Variants in TAP1 observed in about 807,000 individuals in gnomAD.
TAP1 encodes the protein antigen peptide transporter 1.
Under a neutral mutation model 79.3 loss-of-function variants are expected in TAP1, and 56 were observed. The ratio of observed to expected loss-of-function variants is 0.71; its 90% CI spans 0.57 to 0.88. The LOEUF (loss-of-function observed/expected upper bound fraction) is 0.88. TAP1 is among the 40% of genes least tolerant of loss of function. TAP1 has a pLI of 0.00. For synonymous variants in TAP1, 355 were observed against 401.4 expected (o/e 0.88, Z 1.38); for missense variants, 737 against 936.3 (o/e 0.79, Z 2.78).
Position 32,852,062 on chromosome 6 carries a change from G to C in TAP1, c.844+47C>G. The C allele has an allele frequency of 6.2e-7, 1 of 1,612,290 alleles. No individual in the cohort carries two copies. Among genetic ancestry groups the C allele is most frequent in the South Asian group, 1.1e-5 (1 of 91,054 alleles). On this transcript the variant is annotated intron_variant, in intron 3 of 10. Coordinates refer to ENST00000354258, the MANE Select transcript of TAP1 (RefSeq NM_000593.6). This position sits in a 1 kb window ranked among gnomAD's most constrained non-coding sequence, Gnocchi z 4.8. ...GGGGGAGATCAAAGCAGATGTATGA[G>C]GATATGAACAGTACATGGCGTATAA... is the stretch of plus-strand genomic sequence containing the variant.
chr6:32,848,227 T>C, intron 7 of TAP1, 135 bp from the exon 8 acceptor site: 1 of 1,191,486 alleles, frequency 8.4e-7, no homozygotes, highest in African/African-American at 1.5e-5. Flanking sequence ...CCCTCCCACA[T>C]GCACAGATTT....
chr6:32,853,078 G>A lies in TAP1; in HGVS notation c.559C>T (p.Leu187Phe), dbSNP rs1425261335. 4 of 1,612,696 alleles carry A rather than the reference G, an allele frequency of 2.5e-6. No homozygotes were observed. Among genetic ancestry groups the A allele is most frequent in the East Asian group, 4.5e-5 (2 of 44,886 alleles). ...ACCACCAGGACCAGGAACAGCGAGAGGCGGCGCGTCTCCGAGCCCAGGCAG... is the reference window on the plus strand; with the variant it reads ...ACCACCAGGACCAGGAACAGCGAGAAGCGGCGCGTCTCCGAGCCCAGGCAG... ...LGCLGSETRRLSLFLVLVVLS... is the reference protein window; with the variant it reads ...LGCLGSETRRFSLFLVLVVLS... Residue 187 changes from leucine (L) to phenylalanine (F), a missense_variant, in exon 1 of 11, where the codon CTC becomes TTC. Around this residue, in one of 5 missense-constraint regions of TAP1, gnomAD observed 406 missense variants for 477.2 expected, o/e 0.85. Coordinates refer to ENST00000354258, the MANE Select transcript of TAP1 (RefSeq NM_000593.6). The surrounding 1 kb of genome is among the most constrained non-coding windows in gnomAD (Gnocchi z 8.3).
In TAP1 at chr6:32,845,388, G is replaced by A. The variant is rs915156921; in HGVS notation, c.*191C>T. 1.2e-5 allele frequency: 8 copies of A among 669,008 alleles called. No individual in the cohort carries two copies. The highest frequency in any genetic ancestry group is 2.7e-6 in the Non-Finnish European group (1 of 374,516). 41.4% of individuals were successfully genotyped at this position (669,008 alleles called of 1,614,324 possible). ...CTGGCTCTAAACTCCGTTACAGTAA[G>A]GAATTACAAATCCTGTGTTTGTACT... On this transcript the variant is annotated 3_prime_UTR_variant, in exon 11 of 11. Transcript: ENST00000354258. This position sits in a 1 kb window ranked among gnomAD's most constrained non-coding sequence, Gnocchi z 4.5.
Position 32,852,163 on chromosome 6 carries a change from C to A in TAP1, c.790G>T (p.Val264Leu). 6.2e-7 allele frequency: 1 copy of A among 1,613,016 alleles called. No homozygotes were observed. Among genetic ancestry groups the A allele is most frequent in the African/African-American group, 1.3e-5 (1 of 75,030 alleles). ...GHVHSHLQGE[V>L]FGAVLRQETE... is the part of the protein sequence containing the mutation. ...TCCTGGCGCAGGACAGCCCCAAACA[C>A]CTCTCCCTGCAAGTGGCTGTGCACG... The change falls in exon 3 of 11, where the codon GTG becomes TTG. Residue 264 changes from valine (V) to leucine (L), a missense_variant. Val to Leu is a conservative substitution (Grantham distance 32, BLOSUM62 1). Transcript: ENST00000354258. The surrounding 1 kb of genome is among the most constrained non-coding windows in gnomAD (Gnocchi z 4.8).
rs1770736271 is a variant in TAP1, at chr6:32,850,881, A to G, written c.1050+63T>C. On this transcript the variant is annotated intron_variant, in intron 4 of 10. Coordinates refer to ENST00000354258, the MANE Select transcript of TAP1 (RefSeq NM_000593.6). This position sits in a 1 kb window ranked among gnomAD's most constrained non-coding sequence, Gnocchi z 5.5. Reference sequence around the variant, plus strand: ...CTGGACTGAAAGCAATGTGAGAGGAACTGAGTCTGCCAAGTCTGGGAGATG... The same window carrying G: ...CTGGACTGAAAGCAATGTGAGAGGAGCTGAGTCTGCCAAGTCTGGGAGATG... 1 of 1,446,210 alleles carries G rather than the reference A, an allele frequency of 6.9e-7. No homozygotes were observed. Among genetic ancestry groups the G allele is most frequent in the Admixed American group, 1.7e-5 (1 of 59,808 alleles). 89.6% of individuals were successfully genotyped at this position (1,446,210 alleles called of 1,614,324 possible). A position where few individuals can be genotyped will look rare whatever the true frequency, so the allele number is the denominator to read the frequency against.
At chr6:32,847,000 C>T in intron 10 of TAP1, 68 bp downstream of exon 10, 1 of 1,600,266 alleles carries the variant, frequency 6.2e-7, no homozygotes, top group Non-Finnish European at 8.5e-7. Context: ...GTTAGTAAAA[C>T]TAACAGAAGA....
chr6:32,853,157 G>A lies in TAP1; in HGVS notation c.480C>T (p.Leu160=), dbSNP rs1770903412. ...AGCCGCCCTGACCGCCGGGCACCCA[G>A]AGGCTCCCGAGTTTGTGCCACAGGG... is the stretch of plus-strand genomic sequence containing the variant. ...AAALWHKLGS[L]WVPGGQGGSG... is the part of the protein sequence containing the mutation. The change falls in exon 1 of 11, where the codon CTC becomes CTT. Residue 160 remains leucine, a synonymous_variant. Coordinates refer to ENST00000354258, the MANE Select transcript of TAP1 (RefSeq NM_000593.6). The surrounding 1 kb of genome is among the most constrained non-coding windows in gnomAD (Gnocchi z 8.3). 8.1e-6 allele frequency: 13 copies of A among 1,612,666 alleles called. No individual in the cohort carries two copies. The highest frequency in any genetic ancestry group is 1.1e-5 in the Non-Finnish European group (13 of 1,179,906).
rs147332077 is a variant in TAP1 at position 32,850,453 on chromosome 6, G to A, written c.1115C>T (p.Ser372Leu). The A allele has an allele frequency of 5.8e-5, 94 of 1,614,178 alleles. No individual in the cohort carries two copies. In the African/African-American group the frequency reaches 8.4e-4, roughly 14 times the overall value. ...KSSQVAIEALSAMPTVRSFAN... is the reference protein window; with the variant it reads ...KSSQVAIEALLAMPTVRSFAN... ...AAAGCTTCGAACTGTAGGCATGGCC[G>A]ACAGAGCCTCAATGGCCACCTGGCT... The change falls in exon 5 of 11, where the codon TCG (serine) becomes TTG (leucine). Residue 372 changes from serine (S) to leucine (L), a missense_variant. Transcript: ENST00000354258. The surrounding 1 kb of genome is among the most constrained non-coding windows in gnomAD (Gnocchi z 5.5).
chr6:32,852,188 G>A lies in TAP1; in HGVS notation c.765C>T (p.His255=), dbSNP rs1770826287. 1 of 1,613,002 alleles carries A rather than the reference G, an allele frequency of 6.2e-7. No individual in the cohort carries two copies. Among genetic ancestry groups the A allele is most frequent in the Non-Finnish European group, 8.5e-7 (1 of 1,180,008 alleles). ...CCTCTCCCTGCAAGTGGCTGTGCAC[G>A]TGGCCCATGGTGTTGTTATAGATCC... ...GDGIYNNTMG[H]VHSHLQGEVF... is the part of the protein sequence containing the mutation. Residue 255 remains histidine, a synonymous_variant, in exon 3 of 11, where the codon CAC becomes CAT. Transcript: ENST00000354258. The surrounding 1 kb of genome is among the most constrained non-coding windows in gnomAD (Gnocchi z 4.8).
In TAP1 at chr6:32,851,260, A is replaced by G. The variant is rs1175981843; in HGVS notation, c.845-111T>C. On this transcript the variant is annotated intron_variant, in intron 3 of 10. Transcript: ENST00000354258. This position sits in a 1 kb window ranked among gnomAD's most constrained non-coding sequence, Gnocchi z 4.8. ...TCAGGGGTGTCAACATGGGGTTCTA[A>G]GGAGGCTGCAGGAAACAAGGTTAGG... 1.0e-5 allele frequency: 10 copies of G among 1,003,036 alleles called. No individual in the cohort carries two copies. Among genetic ancestry groups the G allele is most frequent in the Non-Finnish European group, 1.4e-5 (9 of 652,868 alleles). 62.1% of individuals were successfully genotyped at this position (1,003,036 alleles called of 1,614,324 possible).
intron 5 of TAP1, chr6:32,849,357 T>C (rs1206227623): frequency 2.5e-5 from 15 of 601,068 alleles, no homozygotes; most frequent in Non-Finnish European, 4.1e-5. Flanking sequence ...GGGAGCATTT[T>C]ACTCTTCACA....
chr6:32,853,510 T>C lies in TAP1; in HGVS notation c.127A>G (p.Ile43Val). 6.2e-7 allele frequency: 1 copy of C among 1,609,616 alleles called. No homozygotes were observed. Among genetic ancestry groups the C allele is most frequent in the Non-Finnish European group, 8.5e-7 (1 of 1,177,498 alleles). Residue 43 changes from isoleucine (I) to valine (V), a missense_variant, in exon 1 of 11, where the codon ATA becomes GTA. By Grantham distance (29) the Ile-to-Val change is conservative (BLOSUM62 3). Coordinates refer to ENST00000354258, the MANE Select transcript of TAP1 (RefSeq NM_000593.6). The surrounding 1 kb of genome is among the most constrained non-coding windows in gnomAD (Gnocchi z 8.3). ...GCGGTGGGCACCAGCAGGGAGAATA[T>C]GCGGGGCAGCGCGGTCCGGAGCAGC... Reference protein sequence around the residue: ...WVLLRTALPRIFSLLVPTALP... With the variant: ...WVLLRTALPRVFSLLVPTALP...
In TAP1 at chr6:32,851,680, CTG is replaced by C. The variant is rs1458759264; in HGVS notation, c.844+427_844+428del. Among the ~76,000 whole-genome samples the C allele has an allele frequency of 1.3e-5, 2 of 152,182 alleles. No individual in the cohort carries two copies. Among genetic ancestry groups the C allele is most frequent in the Admixed American group, 1.3e-4 (2 of 15,274 alleles). On this transcript the variant is annotated intron_variant, in intron 3 of 10. Coordinates refer to ENST00000354258, the MANE Select transcript of TAP1 (RefSeq NM_000593.6). The surrounding 1 kb of genome is among the most constrained non-coding windows in gnomAD (Gnocchi z 4.8). The stretch of plus-strand genomic sequence containing the variant: ...CAAGTGTGTCTCTAGCCATATGTAA[CTG>C]TGCAGTTTCAGCATTTAGGGTCTTG...
chr6:32,849,214 T>C (rs1770635821), intron 5 of TAP1, 96 bp from the exon 6 acceptor site: 1 of 1,486,890 alleles, frequency 6.7e-7, no homozygotes, highest in African/African-American at 1.4e-5. Flanking sequence ...ATCAAGTCCC[T>C]GTCTCCTAAG....
At position 32,851,616 on chromosome 6, in the gene TAP1, G is replaced by A. The variant is rs1390273898; in HGVS notation, c.845-467C>T. Among the ~76,000 whole-genome samples, 3 of 152,040 alleles carry A rather than the reference G, an allele frequency of 2.0e-5. No homozygotes were observed. The highest frequency in any genetic ancestry group is 1.9e-4 in the East Asian group (1 of 5,194). ...TTCTAGTGCTGCTAGAAAGCATGCC[G>A]AAGTCTGTGGAGCACTCAAGAGACC... is the stretch of plus-strand genomic sequence containing the variant. On this transcript the variant is annotated intron_variant, in intron 3 of 10. Transcript: ENST00000354258. The surrounding 1 kb of genome is among the most constrained non-coding windows in gnomAD (Gnocchi z 4.8).
chr6:32,853,303 A>C lies in TAP1; in HGVS notation c.334T>G (p.Leu112Val). 6.3e-7 allele frequency: 1 copy of C among 1,581,310 alleles called. No individual in the cohort carries two copies. The highest frequency in any genetic ancestry group is 8.6e-7 in the Non-Finnish European group (1 of 1,163,058). ...CCCCATGAGATCAGCTCTCGGAACA[A>C]GGCAAGTCCCGGCAGGGCCAAGCCC... ...ALGLALPGLA[L>V]FRELISWGAP... Residue 112 changes from leucine (L) to valine (V), a missense_variant, in exon 1 of 11, where the codon TTG becomes GTG. Physicochemically the swap from Leu to Val is conservative, Grantham distance 32 (BLOSUM62 1). Around this residue, in one of 5 missense-constraint regions of TAP1, gnomAD observed 406 missense variants for 477.2 expected, o/e 0.85. Coordinates refer to ENST00000354258, the MANE Select transcript of TAP1 (RefSeq NM_000593.6). The surrounding 1 kb of genome is among the most constrained non-coding windows in gnomAD (Gnocchi z 8.3).
In TAP1 at chr6:32,852,586, C is replaced by T. The variant is rs1770859706; in HGVS notation, c.599-84G>A. ...TCAGACTGGCCCCACCACGCCTCCT[C>T]CCCCTCACCATTATCCTGGAGGGCA... On this transcript the variant is annotated intron_variant, in intron 1 of 10. Transcript: ENST00000354258. The surrounding 1 kb of genome is among the most constrained non-coding windows in gnomAD (Gnocchi z 4.8). 15 of 1,579,878 alleles carry T rather than the reference C, an allele frequency of 9.5e-6. No individual in the cohort carries two copies. Among genetic ancestry groups the T allele is most frequent in the Admixed American group, 3.7e-5 (2 of 53,646 alleles).
chr6:32,847,245 T>C lies in TAP1; in HGVS notation c.1904-41A>G. The stretch of plus-strand genomic sequence containing the variant: ...CCAAGATGAGAACGGTATAGCCACA[T>C]GTGTGCACGCATGTACATGCACACA... On this transcript the variant is annotated intron_variant, in intron 9 of 10. Coordinates refer to ENST00000354258, the MANE Select transcript of TAP1 (RefSeq NM_000593.6). The surrounding 1 kb of genome is among the most constrained non-coding windows in gnomAD (Gnocchi z 4.7). 1 of 1,604,006 alleles carries C rather than the reference T, an allele frequency of 6.2e-7. No homozygotes were observed. Among genetic ancestry groups the C allele is most frequent in the Non-Finnish European group, 8.5e-7 (1 of 1,179,102 alleles).
Position 32,853,221 on chromosome 6 carries a change from G to A in TAP1, c.416C>T (p.Ala139Val). ...TGCCGCTGCATAACTGACAACGAAGGCGGTAGGGTGACTTCCCCAGTGCAG... is the reference window on the plus strand; with the variant it reads ...TGCCGCTGCATAACTGACAACGAAGACGGTAGGGTGACTTCCCCAGTGCAG... ...RLLHWGSHPT[A>V]FVVSYAAALP... Residue 139 changes from alanine to valine, a missense_variant, in exon 1 of 11, where the codon GCC becomes GTC. Transcript: ENST00000354258. This position sits in a 1 kb window ranked among gnomAD's most constrained non-coding sequence, Gnocchi z 8.3. The A allele has an allele frequency of 6.2e-7, 1 of 1,610,406 alleles. No homozygotes were observed. Among genetic ancestry groups the A allele is most frequent in the Non-Finnish European group, 8.5e-7 (1 of 1,178,784 alleles).
Sources: allele counts gnomAD v4.1 joint callset (sites outside exome capture counted in the v4.1 genomes callset), GRCh38; gene constraint gnomAD v4.1.1; regional missense constraint gnomAD v4.1.1; non-coding constraint Gnocchi (gnomAD v3.1); transcripts MANE v1.5; gene names NCBI Gene and HGNC (gene_info 2026-07-23, HGNC 2026-07-21).